RSAD2: variants seen among roughly 807,000 people sequenced by gnomAD.
RSAD2 encodes radical S-adenosyl methionine domain containing 2.
RSAD2 carries 38 observed loss-of-function variants against 37.7 expected under a neutral mutation model. The observed-to-expected ratio is 1.01, with a 90% CI of 0.78 to 1.32. The LOEUF is 1.32. Ranked by LOEUF, RSAD2 falls within the 40% of genes most tolerant of loss-of-function variation. The pLI, the probability that RSAD2 is intolerant of heterozygous loss-of-function variation, is 0.00. For synonymous variants in RSAD2, 163 were observed against 157.4 expected (o/e 1.04, Z -0.27); for missense variants, 428 against 437.5 (o/e 0.98, Z 0.19).
rs1477535511 is a variant in RSAD2, at chr2:6,887,096, A to G, written c.670A>G (p.Ile224Val). Residue 224 changes from isoleucine to valine, a missense_variant, in exon 3 of 6, where the codon ATT becomes GTT. Transcript: ENST00000382040. ...YRVAFKINSV[I>V]NRFNVEEDMT... is the part of the protein sequence containing the mutation. The stretch of plus-strand genomic sequence containing the variant: ...AGTCGCTTTCAAGATAAATTCTGTC[A>G]TTAATCGTTTCAACGTGGAAGAGGA... 6.2e-7 allele frequency: 1 copy of G among 1,614,066 alleles called. No individual in the cohort carries two copies.
chr2:6,882,983 G>A (rs943389047), intron 1 of RSAD2, among the ~76,000 whole-genome samples: 2 of 152,212 alleles, frequency 1.3e-5, no homozygotes, highest in East Asian at 1.9e-4. Context: ...TGGGCGATGC[G>A]GAATCCAGGA....
At position 6,890,282 on chromosome 2, in the gene RSAD2, G is replaced by T. The variant is rs749247801; in HGVS notation, c.845G>T (p.Arg282Leu). 7.4e-6 allele frequency: 12 copies of T among 1,614,146 alleles called. No individual in the cohort carries two copies. The highest frequency in any genetic ancestry group is 1.0e-5 in the Non-Finnish European group (12 of 1,180,000). ...GAAGAATTTGAAAGATTCTTGGAGC[G>T]CCACAAAGAAGTGTCCTGCTTGGTG... Reference protein sequence around the residue: ...GDEEFERFLERHKEVSCLVPE... With the variant: ...GDEEFERFLELHKEVSCLVPE... Residue 282 changes from arginine to leucine, a missense_variant, in exon 4 of 6, where the codon CGC (arginine) becomes CTC (leucine). Physicochemically the swap from Arg to Leu is moderately radical, Grantham distance 102. Coordinates refer to ENST00000382040, the MANE Select transcript of RSAD2 (RefSeq NM_080657.5).
chr2:6,889,545 C>T (rs183186882), intron 3 of RSAD2, among the ~76,000 whole-genome samples: 2 of 152,268 alleles, frequency 1.3e-5, no homozygotes, highest in East Asian at 3.9e-4. Context: ...TGTCCTGCCT[C>T]TGTGTTGGGT....
At chr2:6,879,987 C>A (rs955677130) in intron 1 of RSAD2, among the ~76,000 whole-genome samples, 24 of 151,946 alleles carry the variant, frequency 1.6e-4, no homozygotes, top group African/African-American at 5.8e-4. Context: ...ACTGATAAAC[C>A]AATCTCAAAA....
At chr2:6,867,423 A>G (rs1294604900) in intron 1 of RSAD2, among the ~76,000 whole-genome samples, 2 of 152,154 alleles carry the variant, frequency 1.3e-5, no homozygotes, top group Admixed American at 1.3e-4. Flanking sequence ...TCTGGGAAGG[A>G]CACCAGTCAG....
chr2:6,879,171 C>A lies in RSAD2; in HGVS notation c.346+1025C>A, dbSNP rs1313435665. On this transcript the variant is annotated intron_variant, in intron 1 of 5. Transcript: ENST00000382040. ...GCTCCACGTTACATTGGCTTAGTTACCCAAAGCTGATTGCTCAAATGAGAA... is the reference window on the plus strand; with the variant it reads ...GCTCCACGTTACATTGGCTTAGTTAACCAAAGCTGATTGCTCAAATGAGAA... 1.7e-5 allele frequency: 7 copies of A among 422,646 alleles called. No individual in the cohort carries two copies. The East Asian group carries it at 5.1e-4, about 31-fold the overall frequency. 26.2% of individuals were successfully genotyped at this position (422,646 alleles called of 1,614,324 possible). A position where few individuals can be genotyped will look rare whatever the true frequency, so the allele number is the denominator to read the frequency against.
chr2:6,895,813 C>T lies in RSAD2; in HGVS notation c.957C>T (p.Asp319=), dbSNP rs750221363. 8 of 1,613,938 alleles carry T rather than the reference C, an allele frequency of 5.0e-6. No individual in the cohort carries two copies. Among genetic ancestry groups the T allele is most frequent in the Non-Finnish European group, 6.8e-6 (8 of 1,179,936 alleles). Residue 319 remains aspartate (D), a synonymous_variant, in exon 6 of 6, where the codon GAC becomes GAT. Transcript: ENST00000382040. ...RFLNCRKGRK[D]PSKSILDVGV... ...TGAACTGTAGAAAGGGACGGAAGGA[C>T]CCTTCCAAGTCCATCCTGGATGTTG...
chr2:6,893,087 G>T (rs181635226), intron 4 of RSAD2, among the ~76,000 whole-genome samples: 1 of 152,084 alleles, frequency 6.6e-6, no homozygotes, highest in Admixed American at 6.5e-5. Context: ...TTGCTATCTG[G>T]CCCTTTACAG....
At chr2:6,888,364 C>G (rs1052480163) in intron 3 of RSAD2, among the ~76,000 whole-genome samples, 4 of 152,092 alleles carry the variant, frequency 2.6e-5, no homozygotes, top group Admixed American at 2.6e-4. Context: ...AGCCACATTC[C>G]CAGGTCTAGA....
At position 6,890,326 on chromosome 2, in the gene RSAD2, G is replaced by T; in HGVS notation, c.888+1G>T. 4 of 1,613,412 alleles carry T rather than the reference G, an allele frequency of 2.5e-6. No individual in the cohort carries two copies. The highest frequency in any genetic ancestry group is 3.4e-6 in the Non-Finnish European group (4 of 1,179,676). On this transcript the variant is annotated splice_donor_variant, in intron 4 of 5. Transcript: ENST00000382040. LOFTEE classifies it high-confidence loss of function. ...CTTGGTGCCTGAATCTAACCAGAAG[G>T]TTGTATAAAGCAAAAGTTGTTTTCT...
At chr2:6,875,078 A>G (rs536471489), upstream of RSAD2, among the ~76,000 whole-genome samples, 16 of 152,334 alleles carry the variant, frequency 1.1e-4, 1 homozygote, top group South Asian at 3.3e-3. Context: ...TTGGCTTCCT[A>G]GCCTCTAGAG....
At chr2:6,869,957 A>G (rs1300609645) in intron 1 of RSAD2, among the ~76,000 whole-genome samples, 1 of 152,204 alleles carries the variant, frequency 6.6e-6, no homozygotes, top group East Asian at 1.9e-4. Context: ...CAACCAATCA[A>G]AACACAATGG....
intron 1 of RSAD2, among the ~76,000 whole-genome samples, chr2:6,870,779 T>C (rs1276331906): frequency 1.3e-5 from 2 of 152,124 alleles, no homozygotes; most frequent in Non-Finnish European, 2.9e-5. Flanking sequence ...CTATAAGGTT[T>C]TGTGGGGATG....
At chr2:6,876,950 T>C (rs181682969), upstream of RSAD2, 52 of 152,270 alleles carry the variant, frequency 3.4e-4, no homozygotes, top group African/African-American at 1.2e-3. Flanking sequence ...TCTTCCAACT[T>C]CCTACAGGTG....
At chr2:6,895,686 A>G in intron 5 of RSAD2, 92 bp from the exon 6 acceptor site, 6 of 1,171,614 alleles carry the variant, frequency 5.1e-6, no homozygotes, top group Non-Finnish European at 7.3e-6. Flanking sequence ...CATGACTGGA[A>G]TATCAAAAGC....
intron 4 of RSAD2, among the ~76,000 whole-genome samples, chr2:6,891,999 A>G (rs1462780626): frequency 1.3e-5 from 2 of 152,240 alleles, no homozygotes; most frequent in East Asian, 3.8e-4. Flanking sequence ...TGTGTAAAAA[A>G]AAGTATCTCT....
rs1293022967 is a variant in RSAD2 at position 6,897,018 on chromosome 2, C to T, written c.*1076C>T. 6.6e-6 allele frequency: 1 copy of T among 152,120 alleles called. No individual in the cohort carries two copies. Among genetic ancestry groups the T allele is most frequent in the Non-Finnish European group, 1.5e-5 (1 of 68,036 alleles). The allele number at this position is 152,120 out of a possible 1,614,324, so 9.4% of individuals were successfully genotyped here. ...AATGTGAGCAAGAGTAGAGAGAGTG[C>T]CTGGATTTCATGTCAGTGAAGCCAA... On this transcript the variant is annotated 3_prime_UTR_variant, in exon 6 of 6. Coordinates refer to ENST00000382040, the MANE Select transcript of RSAD2 (RefSeq NM_080657.5).
At chr2:6,892,700 T>C (rs1243372312) in intron 4 of RSAD2, among the ~76,000 whole-genome samples, 1 of 152,154 alleles carries the variant, frequency 6.6e-6, no homozygotes, top group East Asian at 1.9e-4. Context: ...GGGTCTGAGG[T>C]TGGCCCACCA....
chr2:6,882,845 T>C (rs552703139), intron 1 of RSAD2, among the ~76,000 whole-genome samples: 1 of 152,346 alleles, frequency 6.6e-6, no homozygotes, highest in East Asian at 1.9e-4. Context: ...TAGAATGTGA[T>C]ACCTGGACAA....
Sources: gnomAD v4.1 joint callset for allele counts (sites outside exome capture counted in the v4.1 genomes callset) on GRCh38, gnomAD v4.1.1 for gene constraint, MANE v1.5 for transcripts, NCBI Gene and HGNC (gene_info 2026-07-23, HGNC 2026-07-21) for gene names.